The following IL6ST variants were observed in gnomAD, a reference collection of about 807,000 sequenced individuals.
IL6ST encodes interleukin-6 receptor subunit beta.
Under a neutral mutation model 91.3 loss-of-function variants are expected in IL6ST, and 24 were observed. The observed-to-expected ratio is 0.26, with a 90% confidence interval of 0.19 to 0.37. IL6ST has a LOEUF of 0.37. IL6ST is among the 10% of genes least tolerant of loss of function. The pLI, the probability that IL6ST is intolerant of heterozygous loss-of-function variation, is 1.00. For synonymous variants in IL6ST, 351 were observed against 373.6 expected, an observed-to-expected ratio of 0.94 and a Z score of 0.70; for missense variants, 914 against 1,078.5, an observed-to-expected ratio of 0.85 and a Z score of 2.14.
chr5:55,982,140 A>C (rs1441676709), intron 2 of IL6ST, among the ~76,000 whole-genome samples: 2 of 152,220 alleles, frequency 1.3e-5, no homozygotes, highest in African/African-American at 4.8e-5. Context: ...ACAATGGATA[A>C]ATATTTAATG....
chr5:55,959,447 G>A (rs1278865972), intron 8 of IL6ST, among the ~76,000 whole-genome samples: 1 of 152,142 alleles, frequency 6.6e-6, no homozygotes, highest in African/African-American at 2.4e-5. Flanking sequence ...TAAGAGATGA[G>A]TCTGTGATAG....
chr5:55,960,332 T>C, intron 8 of IL6ST, 70 bp downstream of exon 8: 1 of 1,222,440 alleles, frequency 8.2e-7, no homozygotes, highest in Non-Finnish European at 1.2e-6. Context: ...GAGGCTATAT[T>C]ATTAAAACCA....
At chr5:55,969,943 C>T in intron 3 of IL6ST, 88 bp from the exon 4 acceptor site, 1 of 753,566 alleles carries the variant, frequency 1.3e-6, no homozygotes, top group East Asian at 2.5e-5. Flanking sequence ...ATGTAGAGTC[C>T]CTCAACCGTC....
At position 55,936,610 on chromosome 5, in the gene IL6ST, A is replaced by G. The variant is rs997001141; in HGVS notation, c.*4472T>C. On this transcript the variant is annotated 3_prime_UTR_variant, in exon 17 of 17. Transcript: ENST00000381298. ...ACTAATGATAAATGCTGTTACAAAT[A>G]TGCATAGTCAGATGATAGTAACCAC... 4 of 197,560 alleles carry G rather than the reference A, an allele frequency of 2.0e-5. No homozygotes were observed. The highest frequency in any genetic ancestry group is 4.2e-5 in the Non-Finnish European group (4 of 95,416). 12.2% of individuals were successfully genotyped at this position (197,560 alleles called of 1,614,324 possible). A position where few individuals can be genotyped will look rare whatever the true frequency, so the allele number is the denominator to read the frequency against.
rs769545553 is a variant in IL6ST, at chr5:55,941,473, G to C, written c.2366C>G (p.Ser789Ter). The change falls in exon 17 of 17, where the codon TCA (serine) becomes TGA (stop). Residue 789 changes from serine to a stop codon, truncating the protein, a stop_gained. Coordinates refer to ENST00000381298, the MANE Select transcript of IL6ST (RefSeq NM_002184.4). LOFTEE classifies it high-confidence loss of function. The stretch of plus-strand genomic sequence containing the variant: ...TTGTAGATCTTCTGGCCGCTCCTCT[G>C]AATCTAACAAGGGCTGGGTAGACTC... ...RSESTQPLLD[S>*]EERPEDLQLV... 6.2e-7 allele frequency: 1 copy of C among 1,614,080 alleles called. No individual in the cohort carries two copies. The highest frequency in any genetic ancestry group is 1.1e-5 in the South Asian group (1 of 91,070).
At chr5:55,977,285 G>T (rs1753359616) in intron 2 of IL6ST, among the ~76,000 whole-genome samples, 2 of 151,674 alleles carry the variant, frequency 1.3e-5, no homozygotes, top group African/African-American at 4.8e-5. Flanking sequence ...AAGAGATGGG[G>T]GTCTCACTAT....
At chr5:55,954,693 T>G in intron 11 of IL6ST, 117 bp downstream of exon 11, 1 of 664,062 alleles carries the variant, frequency 1.5e-6, no homozygotes, top group Non-Finnish European at 2.5e-6. Context: ...TAGTAAGTAG[T>G]GAGGCTATGA....
intron 5 of IL6ST, among the ~76,000 whole-genome samples, chr5:55,968,012 G>C (rs562271288): frequency 6.6e-6 from 1 of 152,164 alleles, no homozygotes; most frequent in East Asian, 1.9e-4. Flanking sequence ...GGCCAGGCTG[G>C]TCTCGAACTC....
chr5:55,950,164 G>A (rs751466700), intron 14 of IL6ST: 7 of 491,194 alleles, frequency 1.4e-5, no homozygotes, highest in Non-Finnish European at 2.8e-5. Context: ...GGCATAGAAC[G>A]AGGGAGGGAA....
At chr5:55,950,535 C>CAAAAAAAAAA (rs70995750) in intron 14 of IL6ST, among the ~76,000 whole-genome samples, 58 of 29,262 alleles carry the variant, frequency 2.0e-3, no homozygotes, top group Non-Finnish European at 3.3e-3. Context: ...GACTCTGTCT[C>CAAAAAAAAAA]AAAAAAAAAA....
In IL6ST at chr5:55,956,124, T is replaced by C. The variant is rs759448574; in HGVS notation, c.1168A>G (p.Asn390Asp). Residue 390 changes from asparagine (N) to aspartate (D), a missense_variant, in exon 10 of 17, where the codon AAT becomes GAT. By Grantham distance (23) the Asn-to-Asp change is conservative (BLOSUM62 1). Coordinates refer to ENST00000381298, the MANE Select transcript of IL6ST (RefSeq NM_002184.4). The stretch of plus-strand genomic sequence containing the variant: ...GCTAGATAGCGATCATTTGTGAGAT[T>C]TACTGTCAGTTTTGTGGCATTAACT... ...YTVNATKLTV[N>D]LTNDRYLATL... 6.2e-7 allele frequency: 1 copy of C among 1,612,156 alleles called. No homozygotes were observed. The highest frequency in any genetic ancestry group is 1.1e-5 in the South Asian group (1 of 91,058).
intron 3 of IL6ST, among the ~76,000 whole-genome samples, chr5:55,975,766 A>G (rs750255816): frequency 6.6e-6 from 1 of 152,168 alleles, no homozygotes; most frequent in Non-Finnish European, 1.5e-5. Context: ...GAATGATTAG[A>G]TATCTGGGTA....
intron 2 of IL6ST, 33 bp from the exon 3 acceptor site, chr5:55,976,326 A>AT: frequency 7.8e-7 from 1 of 1,278,002 alleles, no homozygotes; most frequent in Non-Finnish European, 1.1e-6. Flanking sequence ...TACTTTTAAT[A>AT]TTTTTTCTCT....
intron 1 of IL6ST, among the ~76,000 whole-genome samples, chr5:55,991,320 C>CTACA (rs1396931286): frequency 6.6e-6 from 1 of 152,204 alleles, no homozygotes; most frequent in Admixed American, 6.5e-5. Flanking sequence ...TTTTCCCTAT[C>CTACA]TACAAACAAC....
intron 3 of IL6ST, among the ~76,000 whole-genome samples, chr5:55,970,638 C>A (rs1290531327): frequency 6.6e-6 from 1 of 152,104 alleles, no homozygotes; most frequent in African/African-American, 2.4e-5. Flanking sequence ...TAGTAAGCCA[C>A]TGCACTCCAC....
intron 16 of IL6ST, 132 bp from the exon 17 acceptor site, chr5:55,941,951 AC>A: frequency 1.4e-6 from 1 of 711,836 alleles, no homozygotes; most frequent in Non-Finnish European, 2.4e-6. Flanking sequence ...ACTGTCAACT[AC>A]CCAAAATGCA....
chr5:55,976,193 T>C (rs1430384405), intron 3 of IL6ST, 22 bp downstream of exon 3: 5 of 1,355,564 alleles, frequency 3.7e-6, no homozygotes, highest in Non-Finnish European at 5.1e-6. Flanking sequence ...AGTTAGAAGA[T>C]AGGGTATTTC....
At position 55,951,611 on chromosome 5, in the gene IL6ST, G is replaced by T. The variant is rs779838977; in HGVS notation, c.1700-7C>A. ...GAAGAATCCACATTCACAGCTGGAA[G>T]AAATAAGAACTGTGCTTCATTCAAC... On this transcript the variant is annotated splice_polypyrimidine_tract_variant and splice_region_variant and intron_variant, in intron 13 of 16. Coordinates refer to ENST00000381298, the MANE Select transcript of IL6ST (RefSeq NM_002184.4). The T allele has an allele frequency of 6.2e-7, 1 of 1,608,336 alleles. No individual in the cohort carries two copies. Among genetic ancestry groups the T allele is most frequent in the East Asian group, 2.2e-5 (1 of 44,784 alleles).
chr5:55,970,614 A>T (rs1051513619), intron 3 of IL6ST, among the ~76,000 whole-genome samples: 1 of 152,134 alleles, frequency 6.6e-6, no homozygotes, highest in African/African-American at 2.4e-5. Context: ...CTTGAGCCCA[A>T]GGGGTCAAGG....
Sources: gnomAD v4.1 joint callset for allele counts (sites outside exome capture counted in the v4.1 genomes callset) on GRCh38, gnomAD v4.1.1 for gene constraint, MANE v1.5 for transcripts, NCBI Gene and HGNC (gene_info 2026-07-23, HGNC 2026-07-21) for gene names.